VPS13C: variants seen among roughly 807,000 people sequenced by gnomAD.
VPS13C encodes vacuolar protein sorting 13 homolog C.
VPS13C carries 358 observed loss-of-function variants against 456.8 expected under a neutral mutation model. That is an observed-to-expected ratio of 0.78 (90% CI 0.72 to 0.86). The LOEUF (loss-of-function observed/expected upper bound fraction) is 0.86. Among genes scored for constraint, VPS13C ranks in the 40% least tolerant of loss-of-function variants. The probability of loss-of-function intolerance (pLI) is 0.00; values close to 1 mark genes in which losing one functional copy is unlikely to be tolerated. For missense variants in VPS13C, 4,818 were observed against 4,385.4 expected (o/e 1.10, Z -2.79); for synonymous variants, 1,578 against 1,486.7 (o/e 1.06, Z -1.41).
chr15:61,866,795 T>C, intron 81 of VPS13C: 2 of 980,814 alleles, frequency 2.0e-6, no homozygotes, highest in Non-Finnish European at 2.4e-6. Context: ...CATAAAACAT[T>C]CAATTTATTA....
chr15:61,862,435 C>CA (rs908012609), intron 82 of VPS13C, among the ~76,000 whole-genome samples: 3 of 151,758 alleles, frequency 2.0e-5, no homozygotes, highest in African/African-American at 7.3e-5. Context: ...TAAGTATTAC[C>CA]AAAAAAACCC....
Position 61,920,066 on chromosome 15 carries a change from C to T in VPS13C, c.7477+1G>A, listed in dbSNP as rs1360721865. The T allele has an allele frequency of 6.3e-7, 1 of 1,595,042 alleles. No homozygotes were observed. Among genetic ancestry groups the T allele is most frequent in the African/African-American group, 1.3e-5 (1 of 74,396 alleles). Reference sequence around the variant, plus strand: ...CCTTAAGGAAAACAAATATAGCCTACCAATGGTCAGAGTGAAGAAGGAGCT... The same window carrying T: ...CCTTAAGGAAAACAAATATAGCCTATCAATGGTCAGAGTGAAGAAGGAGCT... On this transcript the variant is annotated splice_donor_variant, in intron 57 of 84. Coordinates refer to ENST00000644861, the MANE Select transcript of VPS13C (RefSeq NM_020821.3). LOFTEE classifies it high-confidence loss of function.
rs768069773 is a variant in VPS13C, at chr15:62,010,504, G to A, written c.979C>T (p.Gln327Ter). The A allele has an allele frequency of 1.2e-6, 2 of 1,612,918 alleles. No individual in the cohort carries two copies. Among genetic ancestry groups the A allele is most frequent in the African/African-American group, 1.3e-5 (1 of 74,874 alleles). The change falls in exon 13 of 85, where the codon CAA (glutamine) becomes TAA (stop). Residue 327 changes from glutamine (Q) to a stop codon, truncating the protein, a stop_gained. Coordinates refer to ENST00000644861, the MANE Select transcript of VPS13C (RefSeq NM_020821.3). LOFTEE classifies it high-confidence loss of function. ...TPKLDCNIEI[Q>*]NIAIELTKPQ... ...TTGGTCAGTTCAATGGCAATATTTT[G>A]TATTTCTATGTTGCAATCCAGTTTG...
intron 80 of VPS13C, among the ~76,000 whole-genome samples, chr15:61,869,149 C>T (rs1489747115): frequency 1.4e-5 from 2 of 146,312 alleles, no homozygotes; most frequent in Non-Finnish European, 3.0e-5. Context: ...ACAAAGTCTC[C>T]CTCTGTTGCC....
chr15:62,005,264 A>G (rs968630513), intron 15 of VPS13C, among the ~76,000 whole-genome samples: 2 of 152,148 alleles, frequency 1.3e-5, no homozygotes, highest in African/African-American at 2.4e-5. Context: ...TGATCCCTTT[A>G]CCATTAAGTA....
chr15:61,934,814 G>A (rs999633688), intron 48 of VPS13C, among the ~76,000 whole-genome samples: 3 of 151,990 alleles, frequency 2.0e-5, no homozygotes, highest in East Asian at 1.9e-4. Flanking sequence ...GCAGTGGCAC[G>A]ATCTCAGCTC....
At chr15:61,930,933 C>G (rs1478051378) in intron 50 of VPS13C, among the ~76,000 whole-genome samples, 157 bp downstream of exon 50, 4 of 152,202 alleles carry the variant, frequency 2.6e-5, no homozygotes, top group Admixed American at 2.6e-4. Context: ...GCAGCTGAAT[C>G]TGATATTAGC....
At chr15:61,990,000 A>G (rs879234785) in intron 18 of VPS13C, among the ~76,000 whole-genome samples, 11 of 152,208 alleles carry the variant, frequency 7.2e-5, no homozygotes, top group Non-Finnish European at 1.5e-4. Flanking sequence ...ATGTTCATCA[A>G]CAACAGTACA....
At chr15:61,989,437 T>G (rs2046157977) in intron 18 of VPS13C, among the ~76,000 whole-genome samples, 1 of 151,814 alleles carries the variant, frequency 6.6e-6, no homozygotes, top group Non-Finnish European at 1.5e-5. Context: ...TACTTTACAT[T>G]GTGGGCAGAC....
chr15:62,037,659 T>C (rs1445970201), intron 3 of VPS13C, among the ~76,000 whole-genome samples: 2 of 150,550 alleles, frequency 1.3e-5, no homozygotes, highest in Non-Finnish European at 3.0e-5. Flanking sequence ...GCATCTCCCA[T>C]AGCACTTGCA....
At position 61,890,204 on chromosome 15, in the gene VPS13C, T is replaced by C. The variant is rs747520205; in HGVS notation, c.9302A>G (p.Asn3101Ser). The C allele has an allele frequency of 2.0e-5, 33 of 1,614,132 alleles. No homozygotes were observed. The highest frequency in any genetic ancestry group is 6.6e-5 in the South Asian group (6 of 91,082). The change falls in exon 67 of 85, where the codon AAT (asparagine) becomes AGT (serine). Residue 3101 changes from asparagine to serine, a missense_variant. Physicochemically the swap from Asn to Ser is conservative, Grantham distance 46. This residue lies in a region of VPS13C where 4,552 missense variants were observed against 4,130.6 expected (regional missense o/e 1.10). Transcript: ENST00000644861. The stretch of plus-strand genomic sequence containing the variant: ...ATAGGAAACTTCCTGCTTGCTTTCA[T>C]TGTTAACCAGTGAAAGCCCAAGACT... Reference protein sequence around the residue: ...LHSLGLSLVNNESKQEVSYIG... With the variant: ...LHSLGLSLVNSESKQEVSYIG...
intron 16 of VPS13C, among the ~76,000 whole-genome samples, chr15:61,992,563 TA>T: frequency 6.6e-6 from 1 of 152,124 alleles, no homozygotes; most frequent in East Asian, 1.9e-4. Context: ...AAGATAAAAG[TA>T]AAGAGTTGAA....
chr15:61,875,817 A>C lies in VPS13C; in HGVS notation c.10253T>G (p.Leu3418Trp). Reference sequence around the variant, plus strand: ...TGGGTTTCCAAGTACATCTAACCCCAATACAAGGACATACATCTGTTTCAA... The same window carrying C: ...TGGGTTTCCAAGTACATCTAACCCCCATACAAGGACATACATCTGTTTCAA... ...QFLKQMYVLV[L>W]GLDVLGNPFG... is the part of the protein sequence containing the mutation. The change falls in exon 76 of 85, where the codon TTG (leucine) becomes TGG (tryptophan). Residue 3418 changes from leucine to tryptophan, a missense_variant. Physicochemically the swap from Leu to Trp is moderately conservative, Grantham distance 61. Coordinates refer to ENST00000644861, the MANE Select transcript of VPS13C (RefSeq NM_020821.3). 1 of 1,602,558 alleles carries C rather than the reference A, an allele frequency of 6.2e-7. No individual in the cohort carries two copies. The highest frequency in any genetic ancestry group is 8.5e-7 in the Non-Finnish European group (1 of 1,176,438).
In VPS13C at chr15:61,978,731, C is replaced by A. The variant is rs765873032; in HGVS notation, c.2185G>T (p.Gly729Cys). The change falls in exon 23 of 85, where the codon GGT becomes TGT. Residue 729 changes from glycine (G) to cysteine (C), a missense_variant. Physicochemically the swap from Gly to Cys is radical, Grantham distance 159 (BLOSUM62 -3). This residue lies in a region of VPS13C where 4,552 missense variants were observed against 4,130.6 expected (regional missense o/e 1.10). Transcript: ENST00000644861. ...GTFQLNSKDQGLQKTTNSSLE... is the reference protein window; with the variant it reads ...GTFQLNSKDQCLQKTTNSSLE... ...GATGAATTAGTAGTCTTCTGTAAAC[C>A]TTGATCTTTACTGTTGAGCTAAAAT... 46 of 1,603,216 alleles carry A rather than the reference C, an allele frequency of 2.9e-5. No individual in the cohort carries two copies. Among genetic ancestry groups the A allele is most frequent in the Non-Finnish European group, 3.9e-5 (46 of 1,176,152 alleles).
At chr15:62,016,799 G>A (rs571149522) in intron 9 of VPS13C, among the ~76,000 whole-genome samples, 2 of 152,162 alleles carry the variant, frequency 1.3e-5, no homozygotes, top group African/African-American at 4.8e-5. Context: ...TAATAGGATG[G>A]CTAGGTCAAA....
At chr15:62,014,093 A>T (rs1021624514) in intron 9 of VPS13C, 101 bp from the exon 10 acceptor site, 74 of 761,132 alleles carry the variant, frequency 9.7e-5, no homozygotes, top group Non-Finnish European at 1.4e-4. Flanking sequence ...AAGAAATGAC[A>T]TCTACTTAAT....
Position 61,854,424 on chromosome 15 carries a change from T to C in VPS13C, c.*33A>G. 6.3e-7 allele frequency: 1 copy of C among 1,580,642 alleles called. No individual in the cohort carries two copies. Among genetic ancestry groups the C allele is most frequent in the Non-Finnish European group, 8.7e-7 (1 of 1,149,522 alleles). ...CTTATAGACAAGACCAGTGATTGTTTTTTCTCCCTGTTGGAGCCCCTGAGG... is the reference window on the plus strand; with the variant it reads ...CTTATAGACAAGACCAGTGATTGTTCTTTCTCCCTGTTGGAGCCCCTGAGG... On this transcript the variant is annotated 3_prime_UTR_variant, in exon 85 of 85. Transcript: ENST00000644861.
In VPS13C at chr15:61,934,256, G is replaced by C; in HGVS notation, c.5831C>G (p.Ser1944Cys). 1.9e-6 allele frequency: 3 copies of C among 1,597,692 alleles called. No homozygotes were observed. The highest frequency in any genetic ancestry group is 2.6e-6 in the Non-Finnish European group (3 of 1,170,908). ...VSLQFDFHFESLSIILYNNDI... is the reference protein window; with the variant it reads ...VSLQFDFHFECLSIILYNNDI... ...ATTGTTATAAAGGATAATGGAAAGA[G>C]ATTCAAAGTGAAAGTCAAATTGGAG... Residue 1944 changes from serine to cysteine, a missense_variant, in exon 49 of 85, where the codon TCT becomes TGT. Transcript: ENST00000644861.
Position 61,854,240 on chromosome 15 carries a change from G to A in VPS13C, c.*217C>T. The A allele has an allele frequency of 8.7e-6, 5 of 577,858 alleles. No individual in the cohort carries two copies. Among genetic ancestry groups the A allele is most frequent in the Non-Finnish European group, 9.2e-6 (3 of 324,436 alleles). The allele number at this position is 577,858 out of a possible 1,614,324, so 35.8% of individuals were successfully genotyped here. A position where few individuals can be genotyped will look rare whatever the true frequency, so the allele number is the denominator to read the frequency against. On this transcript the variant is annotated 3_prime_UTR_variant, in exon 85 of 85. Transcript: ENST00000644861. ...TTCTTCAAGGGTCTGACCCATTTGGGTGGTGGCGTAGAAGTGGACTGCTAG... is the reference window on the plus strand; with the variant it reads ...TTCTTCAAGGGTCTGACCCATTTGGATGGTGGCGTAGAAGTGGACTGCTAG...
Sources: allele counts gnomAD v4.1 joint callset (sites outside exome capture counted in the v4.1 genomes callset), GRCh38; gene constraint gnomAD v4.1.1; regional missense constraint gnomAD v4.1.1; transcripts MANE v1.5; gene names NCBI Gene and HGNC (gene_info 2026-07-23, HGNC 2026-07-21).